RUBCN: variants seen among roughly 807,000 people sequenced by gnomAD.
RUBCN encodes run domain Beclin-1-interacting and cysteine-rich domain-containing protein.
RUBCN carries 74 observed loss-of-function variants against 113.2 expected under a neutral mutation model. That is an observed-to-expected ratio of 0.65 (90% CI 0.54 to 0.79). The LOEUF is 0.79. RUBCN is among the 30% of genes least tolerant of loss of function. The probability of loss-of-function intolerance (pLI) is 0.00; values close to 1 mark genes in which losing one functional copy is unlikely to be tolerated. For synonymous variants in RUBCN, 480 were observed against 490.0 expected (o/e 0.98, Z 0.27); for missense variants, 1,109 against 1,251.7 (o/e 0.89, Z 1.72).
At chr3:197,730,265 G>T (rs1262510843) in intron 1 of RUBCN, among the ~76,000 whole-genome samples, 1 of 152,162 alleles carries the variant, frequency 6.6e-6, no homozygotes. Context: ...TTAGGATCCA[G>T]GGTTGGGCAC....
chr3:197,676,950 C>G lies in RUBCN; in HGVS notation c.2581G>C (p.Gly861Arg), dbSNP rs746452866. The G allele has an allele frequency of 8.7e-6, 14 of 1,614,126 alleles. No individual in the cohort carries two copies. The highest frequency in any genetic ancestry group is 5.0e-5 in the Admixed American group (3 of 60,010). ...SLNDLTATRKGELGPRLAELT... is the reference protein window; with the variant it reads ...SLNDLTATRKRELGPRLAELT... ...TCAGCAAGCCGGGGCCCCAGCTCCC[C>G]CTTCCTGGTCGCAGTCAGGTCATTC... The change falls in exon 18 of 20, where the codon GGG becomes CGG. Residue 861 changes from glycine (G) to arginine (R), a missense_variant. Transcript: ENST00000296343.
rs1725737192 is a variant in RUBCN at position 197,718,019 on chromosome 3, C to A, written c.177G>T (p.Arg59Ser). ...CGTGATAGAGGATGCTCTGCATGTCCCTGCAAAGCCGCTCCAAGCCACCAT... is the reference window on the plus strand; with the variant it reads ...CGTGATAGAGGATGCTCTGCATGTCACTGCAAAGCCGCTCCAAGCCACCAT... Reference protein sequence around the residue: ...SKYGGLERLCRDMQSILYHGL... With the variant: ...SKYGGLERLCSDMQSILYHGL... The change falls in exon 2 of 20, where the codon AGG (arginine) becomes AGT (serine). Residue 59 changes from arginine to serine, a missense_variant. By Grantham distance (110) the Arg-to-Ser change is moderately radical. This residue lies in a region of RUBCN where 736 missense variants were observed against 779.6 expected (regional missense o/e 0.94). Coordinates refer to ENST00000296343, the MANE Select transcript of RUBCN (RefSeq NM_014687.4). The A allele has an allele frequency of 4.3e-6, 7 of 1,614,120 alleles. No homozygotes were observed. The highest frequency in any genetic ancestry group is 5.9e-6 in the Non-Finnish European group (7 of 1,180,028).
chr3:197,717,965 A>T lies in RUBCN; in HGVS notation c.219+12T>A. 1 of 1,613,248 alleles carries T rather than the reference A, an allele frequency of 6.2e-7. No homozygotes were observed. The highest frequency in any genetic ancestry group is 8.5e-7 in the Non-Finnish European group (1 of 1,180,012). ...AGTCAGCCAATCTGGCAAAAAAAGGAGTTCTGCATACCTGGTCACGGATAA... is the reference window on the plus strand; with the variant it reads ...AGTCAGCCAATCTGGCAAAAAAAGGTGTTCTGCATACCTGGTCACGGATAA... On this transcript the variant is annotated intron_variant, in intron 2 of 19. Coordinates refer to ENST00000296343, the MANE Select transcript of RUBCN (RefSeq NM_014687.4).
At chr3:197,730,264 A>T (rs1727259839) in intron 1 of RUBCN, among the ~76,000 whole-genome samples, 1 of 152,174 alleles carries the variant, frequency 6.6e-6, no homozygotes, top group South Asian at 2.1e-4. Context: ...CTTAGGATCC[A>T]GGGTTGGGCA....
intron 1 of RUBCN, among the ~76,000 whole-genome samples, chr3:197,735,666 A>G (rs1356381872): frequency 5.9e-5 from 9 of 152,082 alleles, no homozygotes; most frequent in African/African-American, 2.2e-4. Context: ...ATCTCGGCTC[A>G]ATGCAGCCTC....
chr3:197,715,321 ACT>A (rs1725406810), intron 2 of RUBCN, among the ~76,000 whole-genome samples: 1 of 151,806 alleles, frequency 6.6e-6, no homozygotes. Context: ...AGAAAAAGAA[ACT>A]CAACATTAAT....
chr3:197,736,777 C>T lies in RUBCN; in HGVS notation c.-58G>A, dbSNP rs2109016499. 1.3e-6 allele frequency: 2 copies of T among 1,513,516 alleles called. No individual in the cohort carries two copies. Among genetic ancestry groups the T allele is most frequent in the East Asian group, 2.6e-5 (1 of 38,862 alleles). The allele number at this position is 1,513,516 out of a possible 1,614,324, so 93.8% of individuals were successfully genotyped here. On this transcript the variant is annotated 5_prime_UTR_variant, in exon 1 of 20. Coordinates refer to ENST00000296343, the MANE Select transcript of RUBCN (RefSeq NM_014687.4). ...GAGGCGTCCCTGCCGCTTCGCCCTT[C>T]AGGGCTCCCGGGGCCCCCTGGGGCC... is the stretch of plus-strand genomic sequence containing the variant.
chr3:197,683,540 G>A lies in RUBCN; in HGVS notation c.1848-101C>T, dbSNP rs1721504338. 3.7e-6 allele frequency: 5 copies of A among 1,350,168 alleles called. No individual in the cohort carries two copies. The highest frequency in any genetic ancestry group is 1.9e-5 in the Admixed American group (1 of 53,124). The allele number at this position is 1,350,168 out of a possible 1,614,324, so 83.6% of individuals were successfully genotyped here. A position where few individuals can be genotyped will look rare whatever the true frequency, so the allele number is the denominator to read the frequency against. ...TCCCCCACGCAGCAACTTCTGGGCT[G>A]GAAGAACACCCGCAGCACCCTGGCC... On this transcript the variant is annotated intron_variant, in intron 12 of 19. Transcript: ENST00000296343. The surrounding 1 kb of genome is among the most constrained non-coding windows in gnomAD (Gnocchi z 4.6).
intron 1 of RUBCN, among the ~76,000 whole-genome samples, chr3:197,731,779 G>A (rs1262677202): frequency 6.6e-6 from 1 of 151,868 alleles, no homozygotes; most frequent in African/African-American, 2.4e-5. Context: ...CCCGGATGGG[G>A]CGGCTGGCCG....
intron 1 of RUBCN, among the ~76,000 whole-genome samples, chr3:197,729,833 A>C (rs1452087304): frequency 6.6e-6 from 1 of 152,232 alleles, no homozygotes; most frequent in Non-Finnish European, 1.5e-5. Context: ...TGCTGGGATG[A>C]CAGGCATGAG....
chr3:197,689,548 C>T (rs1258533797), intron 11 of RUBCN, among the ~76,000 whole-genome samples: 2 of 151,990 alleles, frequency 1.3e-5, no homozygotes, highest in East Asian at 1.9e-4. Context: ...CTAAACACAC[C>T]GGAAACCAGT....
chr3:197,703,504 C>G, intron 5 of RUBCN, 44 bp downstream of exon 5: 1 of 1,357,090 alleles, frequency 7.4e-7, no homozygotes, highest in African/African-American at 1.4e-5. Flanking sequence ...CTGCTGAGCT[C>G]CAGGGACCCA....
At chr3:197,749,465 G>T (rs1728908548) in exon 1 of RUBCN, 1 of 1,271,180 alleles carries the variant, frequency 7.9e-7, no homozygotes, top group African/African-American at 1.5e-5. Context: ...GTGGAGGAGC[G>T]TGCCAGGGAG....
At position 197,672,639 on chromosome 3, in the gene RUBCN, A is replaced by C. The variant is rs1191771765; in HGVS notation, c.*2379T>G. Reference sequence around the variant, plus strand: ...CCTATGCTGATGTGAAACAGGCAGGACAAGACGGCACATCTGTCCTCCAGC... The same window carrying C: ...CCTATGCTGATGTGAAACAGGCAGGCCAAGACGGCACATCTGTCCTCCAGC... On this transcript the variant is annotated 3_prime_UTR_variant, in exon 20 of 20. Coordinates refer to ENST00000296343, the MANE Select transcript of RUBCN (RefSeq NM_014687.4). The C allele has an allele frequency of 6.6e-6, 1 of 152,258 alleles. No individual in the cohort carries two copies. Among genetic ancestry groups the C allele is most frequent in the African/African-American group, 2.4e-5 (1 of 41,464 alleles). The allele number at this position is 152,258 out of a possible 1,614,324, so 9.4% of individuals were successfully genotyped here. A position where few individuals can be genotyped will look rare whatever the true frequency, so the allele number is the denominator to read the frequency against.
intron 1 of RUBCN, among the ~76,000 whole-genome samples, chr3:197,743,907 C>A (rs934743656): frequency 6.6e-6 from 1 of 152,030 alleles, no homozygotes; most frequent in African/African-American, 2.4e-5. Context: ...TTGCTTGAAC[C>A]CGGGAGGCGG....
chr3:197,674,464 C>A lies in RUBCN; in HGVS notation c.*554G>T. On this transcript the variant is annotated 3_prime_UTR_variant, in exon 20 of 20. Transcript: ENST00000296343. ...GATAGTCAGGATTGTTCTGTGGCCC[C>A]CAAAATACCCAAATAAGTGGACGAA... The A allele has an allele frequency of 2.3e-6, 1 of 434,412 alleles. No individual in the cohort carries two copies. Among genetic ancestry groups the A allele is most frequent in the Non-Finnish European group, 4.7e-6 (1 of 211,192 alleles). 26.9% of individuals were successfully genotyped at this position (434,412 alleles called of 1,614,324 possible).
intron 16 of RUBCN, among the ~76,000 whole-genome samples, chr3:197,678,135 T>C (rs1373973458): frequency 7.3e-6 from 1 of 137,052 alleles, no homozygotes. Context: ...ACTCGACACC[T>C]GGCTTCAGAC....
intron 1 of RUBCN, among the ~76,000 whole-genome samples, chr3:197,746,169 C>T (rs1728735879): frequency 6.6e-6 from 1 of 152,174 alleles, no homozygotes; most frequent in African/African-American, 2.4e-5. Context: ...GAAAATATGA[C>T]TAAGTATAAA....
intron 1 of RUBCN, among the ~76,000 whole-genome samples, chr3:197,730,604 CA>C (rs1455553762): frequency 6.7e-6 from 1 of 150,330 alleles, no homozygotes; most frequent in Non-Finnish European, 1.5e-5. Context: ...AAAGTGGGAC[CA>C]GGGGGCCATC....
Sources: allele counts gnomAD v4.1 joint callset (sites outside exome capture counted in the v4.1 genomes callset), GRCh38; gene constraint gnomAD v4.1.1; regional missense constraint gnomAD v4.1.1; non-coding constraint Gnocchi (gnomAD v3.1); transcripts MANE v1.5; gene names NCBI Gene and HGNC (gene_info 2026-07-23, HGNC 2026-07-21).